Variants in WDR7 observed in about 807,000 individuals in gnomAD.
WDR7 encodes the protein WD repeat domain 7.
WDR7 carries 46 observed loss-of-function variants against 169.4 expected under a neutral mutation model. That is an observed-to-expected ratio of 0.27 (90% CI 0.21 to 0.35). The LOEUF is 0.35. WDR7 is among the 10% of genes least tolerant of loss of function. WDR7 has a pLI of 1.00. For missense variants in WDR7, 1,534 were observed against 1,859.3 expected, an observed-to-expected ratio of 0.83 and a Z score of 3.22; for synonymous variants, 612 against 666.8, an observed-to-expected ratio of 0.92 and a Z score of 1.27.
chr18:56,762,342 G>A (rs1200058414), intron 16 of WDR7, among the ~76,000 whole-genome samples: 2 of 151,688 alleles, frequency 1.3e-5, no homozygotes, highest in Admixed American at 6.6e-5. Flanking sequence ...TGAAGAGTTT[G>A]TATAAGATTG....
Position 56,695,214 on chromosome 18 carries a change from C to G in WDR7, c.1357+16C>G, listed in dbSNP as rs2025671765. Reference sequence around the variant, plus strand: ...CTCAGAAGAGGTATACTGAAGAGCTCCGTATGTCTAAAGTGTTTTGACAAC... The same window carrying G: ...CTCAGAAGAGGTATACTGAAGAGCTGCGTATGTCTAAAGTGTTTTGACAAC... On this transcript the variant is annotated intron_variant, in intron 11 of 27. Coordinates refer to ENST00000254442, the MANE Select transcript of WDR7 (RefSeq NM_015285.3). 3.1e-6 allele frequency: 5 copies of G among 1,608,400 alleles called. No individual in the cohort carries two copies. The highest frequency in any genetic ancestry group is 4.3e-6 in the Non-Finnish European group (5 of 1,176,078).
chr18:56,848,098 G>C (rs984131351), intron 20 of WDR7, among the ~76,000 whole-genome samples: 1 of 152,214 alleles, frequency 6.6e-6, no homozygotes, highest in Non-Finnish European at 1.5e-5. Flanking sequence ...TCCAACCTGC[G>C]AGAGTAGCCA....
At chr18:56,845,110 A>G (rs2045547820) in intron 20 of WDR7, among the ~76,000 whole-genome samples, 1 of 152,118 alleles carries the variant, frequency 6.6e-6, no homozygotes, top group Admixed American at 6.5e-5. Flanking sequence ...GGGCTACTGT[A>G]TATTTTCCTC....
intron 21 of WDR7, among the ~76,000 whole-genome samples, chr18:56,909,418 G>C (rs182865817): frequency 1.2e-4 from 19 of 152,098 alleles, no homozygotes; most frequent in Admixed American, 1.1e-3. Flanking sequence ...GGTATGTTGG[G>C]GTAGAGGAAA....
chr18:56,709,627 C>G (rs1039336466), intron 12 of WDR7, among the ~76,000 whole-genome samples: 4 of 152,166 alleles, frequency 2.6e-5, no homozygotes, highest in Admixed American at 2.6e-4. Context: ...AATGGCAGAG[C>G]TCGAATTTGA....
At chr18:57,008,670 TCTC>T (rs1181433141) in intron 26 of WDR7, among the ~76,000 whole-genome samples, 4 of 152,216 alleles carry the variant, frequency 2.6e-5, no homozygotes, top group African/African-American at 9.6e-5. Context: ...TTTTCTGACA[TCTC>T]CTGCCGCTGG....
intron 21 of WDR7, among the ~76,000 whole-genome samples, chr18:56,916,607 T>C (rs565567055): frequency 6.6e-6 from 1 of 152,324 alleles, no homozygotes; most frequent in East Asian, 1.9e-4. Context: ...TTAATTATCT[T>C]GTGCCATTTC....
At chr18:56,743,133 G>A (rs2043645522) in intron 14 of WDR7, among the ~76,000 whole-genome samples, 1 of 152,144 alleles carries the variant, frequency 6.6e-6, no homozygotes, top group African/African-American at 2.4e-5. Context: ...TTCTGATTGG[G>A]TGATAGAATA....
chr18:56,773,203 A>G (rs2044190970), intron 16 of WDR7, among the ~76,000 whole-genome samples: 1 of 152,144 alleles, frequency 6.6e-6, no homozygotes, highest in African/African-American at 2.4e-5. Context: ...AAATAGAAAT[A>G]GGGCCCCTTA....
At position 57,027,382 on chromosome 18, in the gene WDR7, G is replaced by T; in HGVS notation, c.*175G>T. Reference sequence around the variant, plus strand: ...CTTCTCAGGGGCAGAACCCGCTCGTGCCATCTGTCGATTCAGAGGCACGCA... The same window carrying T: ...CTTCTCAGGGGCAGAACCCGCTCGTTCCATCTGTCGATTCAGAGGCACGCA... On this transcript the variant is annotated 3_prime_UTR_variant, in exon 28 of 28. Transcript: ENST00000254442. 1 of 744,122 alleles carries T rather than the reference G, an allele frequency of 1.3e-6. No homozygotes were observed. 46.1% of individuals were successfully genotyped at this position (744,122 alleles called of 1,614,324 possible). A position where few individuals can be genotyped will look rare whatever the true frequency, so the allele number is the denominator to read the frequency against.
At chr18:56,988,250 G>A (rs2047754032) in intron 26 of WDR7, among the ~76,000 whole-genome samples, 2 of 152,302 alleles carry the variant, frequency 1.3e-5, no homozygotes, top group Middle Eastern at 3.4e-3. Flanking sequence ...TGTGTTGTGA[G>A]GCATAAGGTT....
At chr18:56,759,696 G>C (rs2043952583) in intron 16 of WDR7, among the ~76,000 whole-genome samples, 1 of 152,140 alleles carries the variant, frequency 6.6e-6, no homozygotes, top group African/African-American at 2.4e-5. Flanking sequence ...AAAGAAGTAA[G>C]CAACAGATGG....
At chr18:56,868,699 A>C (rs1017661241) in intron 20 of WDR7, among the ~76,000 whole-genome samples, 9 of 152,160 alleles carry the variant, frequency 5.9e-5, no homozygotes, top group African/African-American at 2.2e-4. Flanking sequence ...ATAATTTTAC[A>C]AGTCACTACC....
At chr18:56,888,274 T>C (rs2046223161) in intron 21 of WDR7, among the ~76,000 whole-genome samples, 1 of 152,232 alleles carries the variant, frequency 6.6e-6, no homozygotes, top group Non-Finnish European at 1.5e-5. Flanking sequence ...ACTTTACATA[T>C]ATTGAAATCA....
At chr18:56,962,611 C>A in intron 26 of WDR7, 82 bp downstream of exon 26, 8 of 1,253,672 alleles carry the variant, frequency 6.4e-6, no homozygotes, top group South Asian at 1.2e-5. Context: ...CACCAGTTGA[C>A]GTGCTGAGCT....
chr18:56,776,162 A>G (rs2145047803), intron 16 of WDR7, among the ~76,000 whole-genome samples: 1 of 151,576 alleles, frequency 6.6e-6, no homozygotes, highest in South Asian at 2.1e-4. Flanking sequence ...TTTTTAGCAT[A>G]GGGAGTATTT....
At chr18:56,910,047 T>G (rs2046532221) in intron 21 of WDR7, among the ~76,000 whole-genome samples, 1 of 152,182 alleles carries the variant, frequency 6.6e-6, no homozygotes, top group African/African-American at 2.4e-5. Flanking sequence ...GCCATACATA[T>G]GTACATGGCA....
chr18:56,686,103 GCCC>G, intron 6 of WDR7, 71 bp downstream of exon 6: 1 of 1,272,178 alleles, frequency 7.9e-7, no homozygotes, highest in Non-Finnish European at 1.1e-6. Context: ...GTAATGATAT[GCCC>G]CTTCCATTTT....
intron 20 of WDR7, among the ~76,000 whole-genome samples, chr18:56,866,126 G>C (rs2045879853): frequency 6.6e-6 from 1 of 152,048 alleles, no homozygotes; most frequent in East Asian, 1.9e-4. Context: ...TGCCCACTCT[G>C]TTTGTGCCCT....
Sources: allele counts gnomAD v4.1 joint callset (sites outside exome capture counted in the v4.1 genomes callset), GRCh38; gene constraint gnomAD v4.1.1; transcripts MANE v1.5; gene names NCBI Gene and HGNC (gene_info 2026-07-23, HGNC 2026-07-21).